The following SCAPER variants were observed in gnomAD, a reference collection of about 807,000 sequenced individuals.
The protein encoded by SCAPER is S-phase cyclin A associated protein in the ER, also known as S phase cyclin A-associated protein in the endoplasmic reticulum.
SCAPER carries 98 observed loss-of-function variants against 182.2 expected under a neutral mutation model. The ratio of observed to expected loss-of-function variants is 0.54; its 90% CI spans 0.46 to 0.64. The LOEUF is 0.64. SCAPER is among the 30% of genes least tolerant of loss of function. The probability of loss-of-function intolerance (pLI) is 0.00; values close to 1 mark genes in which losing one functional copy is unlikely to be tolerated. For missense variants in SCAPER, 1,432 were observed against 1,690.0 expected, an observed-to-expected ratio of 0.85 and a Z score of 2.68; for synonymous variants, 605 against 564.6, an observed-to-expected ratio of 1.07 and a Z score of -1.01.
At chr15:76,837,577 A>G (rs1238704982) in intron 5 of SCAPER, among the ~76,000 whole-genome samples, 2 of 152,218 alleles carry the variant, frequency 1.3e-5, no homozygotes, top group Non-Finnish European at 2.9e-5. Flanking sequence ...ACCTCCCACG[A>G]TATGTGGAGA....
chr15:76,709,153 G>A (rs1300379639), intron 17 of SCAPER, among the ~76,000 whole-genome samples: 2 of 152,110 alleles, frequency 1.3e-5, no homozygotes, highest in African/African-American at 2.4e-5. Context: ...TTATTTATGA[G>A]ATGGAGTCTT....
At chr15:76,617,010 C>T (rs966408221) in intron 22 of SCAPER, among the ~76,000 whole-genome samples, 2 of 152,110 alleles carry the variant, frequency 1.3e-5, no homozygotes, top group African/African-American at 4.8e-5. Context: ...CCAATATTTT[C>T]TCCTACTGAT....
At chr15:76,491,706 AC>A (rs1456707604) in intron 24 of SCAPER, among the ~76,000 whole-genome samples, 15 of 152,096 alleles carry the variant, frequency 9.9e-5, no homozygotes, top group Non-Finnish European at 1.3e-4. Context: ...ACCTAAGCTC[AC>A]TGCAACCCCC....
chr15:76,510,859 G>GCA (rs1491101899), intron 23 of SCAPER, among the ~76,000 whole-genome samples: 21 of 115,702 alleles, frequency 1.8e-4, no homozygotes, highest in African/African-American at 9.1e-4. Flanking sequence ...AGAAACTGGT[G>GCA]CGCGCGTGTG....
chr15:76,646,274 A>AC (rs2054540255), intron 21 of SCAPER, among the ~76,000 whole-genome samples: 1 of 151,492 alleles, frequency 6.6e-6, no homozygotes, highest in South Asian at 2.1e-4. Flanking sequence ...ACACACACGC[A>AC]CCCCCCATCC....
intron 21 of SCAPER, among the ~76,000 whole-genome samples, chr15:76,655,971 G>A (rs73459200): frequency 0.015 from 2,217 of 152,190 alleles, 61 homozygotes; most frequent in African/African-American, 0.051. Context: ...TAAGTATGTA[G>A]GCCACTAACA....
At chr15:76,391,375 A>AT (rs2142021687) in intron 27 of SCAPER, among the ~76,000 whole-genome samples, 1 of 152,266 alleles carries the variant, frequency 6.6e-6, no homozygotes, top group South Asian at 2.1e-4. Context: ...TTTTTTCCCC[A>AT]TTAGACTGTA....
intron 21 of SCAPER, among the ~76,000 whole-genome samples, chr15:76,644,144 T>C (rs1187578466): frequency 1.3e-5 from 2 of 152,152 alleles, no homozygotes; most frequent in African/African-American, 4.8e-5. Context: ...AGAAGGTATA[T>C]ACGATCAAAA....
Position 76,771,775 on chromosome 15 carries a change from T to C in SCAPER, c.1215A>G (p.Ile405Met). The change falls in exon 10 of 32, where the codon ATA (isoleucine) becomes ATG (methionine). Residue 405 changes from isoleucine to methionine, a missense_variant. By Grantham distance (10) the Ile-to-Met change is conservative (BLOSUM62 1). Around this residue, in one of 5 missense-constraint regions of SCAPER, gnomAD observed 480 missense variants for 510.2 expected, o/e 0.94. Transcript: ENST00000563290. ...TATCTGAAGGGTCCATTTCATTTTCTATCCTTGCTTTCTCTGCTGGAAATT... is the reference window on the plus strand; with the variant it reads ...TATCTGAAGGGTCCATTTCATTTTCCATCCTTGCTTTCTCTGCTGGAAATT... Reference protein sequence around the residue: ...EEKFPAEKARIENEMDPSDIS... With the variant: ...EEKFPAEKARMENEMDPSDIS... 1.2e-6 allele frequency: 2 copies of C among 1,613,202 alleles called. No individual in the cohort carries two copies. The highest frequency in any genetic ancestry group is 1.7e-6 in the Non-Finnish European group (2 of 1,179,408).
At chr15:76,577,835 G>A (rs761928129) in intron 22 of SCAPER, among the ~76,000 whole-genome samples, 2 of 151,394 alleles carry the variant, frequency 1.3e-5, no homozygotes, top group East Asian at 2.0e-4. Context: ...GGAAGAGTAC[G>A]GGAACTTTGT....
chr15:76,680,117 G>A (rs951514897), intron 20 of SCAPER, among the ~76,000 whole-genome samples: 5 of 152,094 alleles, frequency 3.3e-5, no homozygotes, highest in Admixed American at 2.0e-4. Context: ...TCAAAGGGAA[G>A]ATAATGCTCA....
rs575231926 is a variant in SCAPER at position 76,827,541 on chromosome 15, A to G, written c.393+14193T>C. 2.6e-5 allele frequency among the ~76,000 whole-genome samples: 4 copies of G among 152,340 alleles called. No individual in the cohort carries two copies. In the East Asian group the frequency reaches 7.7e-4, roughly 29 times the overall value. On this transcript the variant is annotated intron_variant, in intron 5 of 31. Coordinates refer to ENST00000563290, the MANE Select transcript of SCAPER (RefSeq NM_020843.4). ...CCAAGTTTTACAGCAGGAAAGTAAT[A>G]TGAAGGACTATAAAAAGAAAAAAAC...
chr15:76,807,574 G>C (rs1227294278), intron 5 of SCAPER, among the ~76,000 whole-genome samples: 2 of 150,680 alleles, frequency 1.3e-5, no homozygotes, highest in African/African-American at 4.9e-5. Flanking sequence ...GGGTACATGT[G>C]CACATTGTGC....
intron 8 of SCAPER, chr15:76,793,355 G>A: frequency 1.4e-6 from 1 of 692,298 alleles, no homozygotes; most frequent in Admixed American, 2.2e-5. Flanking sequence ...ACAAGTGGCT[G>A]GCAGCCCCTA....
chr15:76,421,062 A>G (rs2046000381), intron 26 of SCAPER, among the ~76,000 whole-genome samples: 1 of 152,216 alleles, frequency 6.6e-6, no homozygotes, highest in Non-Finnish European at 1.5e-5. Flanking sequence ...GCTATTGTGA[A>G]TAGTGCCACA....
chr15:76,756,990 T>C (rs2062474028), intron 14 of SCAPER, among the ~76,000 whole-genome samples: 1 of 121,224 alleles, frequency 8.2e-6, no homozygotes, highest in African/African-American at 3.1e-5. Flanking sequence ...ATACACAGAC[T>C]CTCTTCTGTA....
intron 23 of SCAPER, among the ~76,000 whole-genome samples, chr15:76,564,813 A>G (rs1456976162): frequency 2.6e-5 from 4 of 152,186 alleles, no homozygotes; most frequent in Non-Finnish European, 5.9e-5. Context: ...TACTGGTACG[A>G]AAACAGACAC....
intron 23 of SCAPER, among the ~76,000 whole-genome samples, chr15:76,527,953 A>G (rs1200863726): frequency 2.0e-5 from 3 of 152,204 alleles, no homozygotes; most frequent in Admixed American, 2.0e-4. Context: ...ATTGGCTTAC[A>G]TAACACTTCA....
chr15:76,465,531 T>G (rs1471948100), intron 25 of SCAPER, among the ~76,000 whole-genome samples: 1 of 152,210 alleles, frequency 6.6e-6, no homozygotes, highest in Non-Finnish European at 1.5e-5. Flanking sequence ...ATTGCCTTTC[T>G]GCACTGTTGA....
Sources: gnomAD v4.1 joint callset for allele counts (sites outside exome capture counted in the v4.1 genomes callset) on GRCh38, gnomAD v4.1.1 for gene constraint, gnomAD v4.1.1 regional missense constraint, MANE v1.5 for transcripts, NCBI Gene and HGNC (gene_info 2026-07-23, HGNC 2026-07-21) for gene names.